The following WDR64 variants were observed in gnomAD, a reference collection of about 807,000 sequenced individuals.
The protein encoded by WDR64 is WD repeat domain 64.
A neutral mutation model predicts 139.3 loss-of-function variants in WDR64; 112 were observed. The ratio of observed to expected loss-of-function variants is 0.80; its 90% CI spans 0.69 to 0.94. The LOEUF (loss-of-function observed/expected upper bound fraction) is 0.94. WDR64 is among the 40% of genes least tolerant of loss of function. The probability of loss-of-function intolerance (pLI) is 0.00; values close to 1 mark genes in which losing one functional copy is unlikely to be tolerated. For synonymous variants in WDR64, 444 were observed against 437.7 expected, an observed-to-expected ratio of 1.01 and a Z score of -0.18; for missense variants, 1,206 against 1,293.1, an observed-to-expected ratio of 0.93 and a Z score of 1.03.
intron 8 of WDR64, among the ~76,000 whole-genome samples, chr1:241,710,085 T>C (rs1387909850): frequency 6.6e-6 from 1 of 151,744 alleles, no homozygotes; most frequent in Non-Finnish European, 1.5e-5. Context: ...AAGAAAAACA[T>C]GTACATACAC....
chr1:241,683,686 CA>C lies in WDR64; in HGVS notation c.827del (p.Lys276ArgfsTer16), dbSNP rs1366741188. 4 of 1,548,366 alleles carry C rather than the reference CA, an allele frequency of 2.6e-6. No homozygotes were observed. The highest frequency in any genetic ancestry group is 3.5e-6 in the Non-Finnish European group (4 of 1,145,180). ...KRKLQNQVLD[S>X]KNFKSVKRKL... is the part of the protein sequence containing the mutation. Reference sequence around the variant, plus strand: ...AAATTACAAAATCAGGTCTTAGACTCAAAGAACTTTAAAAGGTAAGAGTATC... The same window carrying C: ...AAATTACAAAATCAGGTCTTAGACTCAAGAACTTTAAAAGGTAAGAGTATC... On this transcript the variant is annotated frameshift_variant, in exon 7 of 28. Transcript: ENST00000437684. LOFTEE classifies it high-confidence loss of function.
intron 16 of WDR64, among the ~76,000 whole-genome samples, chr1:241,766,897 T>C (rs1658200542): frequency 6.6e-6 from 1 of 152,208 alleles, no homozygotes; most frequent in Non-Finnish European, 1.5e-5. Context: ...TATTCTCAAC[T>C]AGTATATGCT....
chr1:241,780,791 T>C (rs1270505846), intron 22 of WDR64, among the ~76,000 whole-genome samples: 1 of 152,176 alleles, frequency 6.6e-6, no homozygotes, highest in African/African-American at 2.4e-5. Flanking sequence ...TTTGACTATC[T>C]CCACCTGCAG....
chr1:241,795,095 G>C, intron 25 of WDR64, 112 bp from the exon 26 acceptor site: 1 of 740,602 alleles, frequency 1.4e-6, no homozygotes, highest in Non-Finnish European at 2.2e-6. Context: ...TAACAGGGAA[G>C]TCCCTTAAGA....
intron 27 of WDR64, among the ~76,000 whole-genome samples, chr1:241,796,880 G>GA (rs1169916945): frequency 6.6e-6 from 1 of 152,122 alleles, no homozygotes. Context: ...CAGAGAAAGA[G>GA]AAAAATCAAA....
At chr1:241,772,099 G>C (rs1389599734) in intron 19 of WDR64, among the ~76,000 whole-genome samples, 2 of 148,532 alleles carry the variant, frequency 1.3e-5, no homozygotes, top group Admixed American at 6.7e-5. Flanking sequence ...TAAGAATCCA[G>C]AATATTACTG....
chr1:241,778,799 T>A (rs1658749653), intron 21 of WDR64, among the ~76,000 whole-genome samples: 1 of 152,180 alleles, frequency 6.6e-6, no homozygotes, highest in African/African-American at 2.4e-5. Context: ...ATTCCTAATG[T>A]CTCTCTTTTA....
chr1:241,738,059 A>T (rs1481995101), intron 10 of WDR64, among the ~76,000 whole-genome samples: 2 of 152,202 alleles, frequency 1.3e-5, no homozygotes, highest in Non-Finnish European at 2.9e-5. Context: ...ATCTTTTATT[A>T]TTCCTCCACA....
rs576993759 is a variant in WDR64, at chr1:241,802,089, A to C, written c.*874A>C. 5.0e-6 allele frequency: 2 copies of C among 398,024 alleles called. No homozygotes were observed. The highest frequency in any genetic ancestry group is 2.1e-5 in the African/African-American group (1 of 48,710). 24.7% of individuals were successfully genotyped at this position (398,024 alleles called of 1,614,324 possible). A position where few individuals can be genotyped will look rare whatever the true frequency, so the allele number is the denominator to read the frequency against. On this transcript the variant is annotated 3_prime_UTR_variant, in exon 28 of 28. Transcript: ENST00000437684. ...AAAATACACTTTAAGAAAATAAACA[A>C]GAATCTTTATAAAAGTTTTATAAAG...
chr1:241,765,701 A>G (rs896320689), intron 15 of WDR64, among the ~76,000 whole-genome samples: 3 of 152,232 alleles, frequency 2.0e-5, no homozygotes, highest in Admixed American at 2.0e-4. Flanking sequence ...TGAGTACTTT[A>G]AAGTATTATG....
At chr1:241,675,117 C>T (rs1666469394) in intron 4 of WDR64, among the ~76,000 whole-genome samples, 1 of 83,252 alleles carries the variant, frequency 1.2e-5, no homozygotes, top group African/African-American at 5.3e-5. Flanking sequence ...TCCTTCCTCC[C>T]TCCCTCCTTC....
intron 3 of WDR64, among the ~76,000 whole-genome samples, 196 bp from the exon 4 acceptor site, chr1:241,674,448 C>A (rs1249657136): frequency 6.6e-6 from 1 of 151,684 alleles, no homozygotes; most frequent in African/African-American, 2.4e-5. Context: ...TAGAGATGGA[C>A]TTTGTCATGC....
chr1:241,673,901 G>A (rs901070049), intron 3 of WDR64, among the ~76,000 whole-genome samples: 1 of 151,914 alleles, frequency 6.6e-6, no homozygotes, highest in Non-Finnish European at 1.5e-5. Flanking sequence ...AAAAGCCTGA[G>A]ATGGTATTAA....
intron 15 of WDR64, among the ~76,000 whole-genome samples, chr1:241,765,503 C>A (rs1412831295): frequency 6.6e-6 from 1 of 152,182 alleles, no homozygotes; most frequent in East Asian, 1.9e-4. Flanking sequence ...GCAAAACCAG[C>A]AAAGCCTGGA....
At chr1:241,697,120 C>T (rs1667523577) in intron 8 of WDR64, among the ~76,000 whole-genome samples, 1 of 152,194 alleles carries the variant, frequency 6.6e-6, no homozygotes, top group South Asian at 2.1e-4. Flanking sequence ...AGAACCCCAA[C>T]CCTTCTGTTA....
At chr1:241,796,534 C>G (rs1052816717) in intron 27 of WDR64, among the ~76,000 whole-genome samples, 164 bp downstream of exon 27, 5 of 151,546 alleles carry the variant, frequency 3.3e-5, no homozygotes, top group Non-Finnish European at 7.4e-5. Flanking sequence ...CTCTTGTTGC[C>G]CAGGCTGGAG....
chr1:241,784,572 T>C (rs1252718082), intron 23 of WDR64, among the ~76,000 whole-genome samples: 1 of 152,160 alleles, frequency 6.6e-6, no homozygotes, highest in African/African-American at 2.4e-5. Context: ...TGTGGAAGGA[T>C]AAAGAGCTTT....
rs1035626088 is a variant in WDR64, at chr1:241,652,284, C to T, written c.-201C>T. On this transcript the variant is annotated 5_prime_UTR_variant, in exon 1 of 28. Transcript: ENST00000437684. ...GTTTGTCTGTATGAAATGCATCAGA[C>T]CTAAATCAGCTTTCCTCCCTGCTAA... The T allele has an allele frequency of 1.3e-5, 7 of 556,046 alleles. No homozygotes were observed. Among genetic ancestry groups the T allele is most frequent in the Non-Finnish European group, 2.2e-5 (7 of 316,740 alleles). 34.4% of individuals were successfully genotyped at this position (556,046 alleles called of 1,614,324 possible).
chr1:241,725,963 C>A lies in WDR64; in HGVS notation c.1194+2527C>A, dbSNP rs1021382278. On this transcript the variant is annotated intron_variant, in intron 10 of 27. Coordinates refer to ENST00000437684, the MANE Select transcript of WDR64 (RefSeq NM_001367482.1). ...CTACTGGGCTCGAGGGATCCTCCCA[C>A]CTCAGCCTCCCCAGTAGCTGGGACT... Among the ~76,000 whole-genome samples, 153 of 152,290 alleles carry A rather than the reference C, an allele frequency of 1.0e-3. 1 individual carries two copies. The highest frequency in any genetic ancestry group is 3.6e-3 in the African/African-American group (151 of 41,564).
Sources: gnomAD v4.1 joint callset for allele counts (sites outside exome capture counted in the v4.1 genomes callset) on GRCh38, gnomAD v4.1.1 for gene constraint, MANE v1.5 for transcripts, NCBI Gene and HGNC (gene_info 2026-07-23, HGNC 2026-07-21) for gene names.